Variants in HS6ST1 observed in about 807,000 individuals in gnomAD.
HS6ST1 encodes the protein heparan sulfate 6-O-sulfotransferase 1.
A neutral mutation model predicts 25.2 loss-of-function variants in HS6ST1; 3 were observed. The observed-to-expected ratio is 0.12, with a 90% CI of 0.05 to 0.31. The LOEUF is 0.31. HS6ST1 is among the 10% of genes least tolerant of loss of function. The pLI is 1.00. For synonymous variants in HS6ST1, 204 were observed against 275.1 expected (o/e 0.74, Z 2.56); for missense variants, 310 against 609.6 (o/e 0.51, Z 5.18).
intron 1 of HS6ST1, among the ~76,000 whole-genome samples, chr2:128,284,504 C>CTTTTTTTTTTTTT (rs71396519): frequency 2.1e-5 from 2 of 94,888 alleles, no homozygotes; most frequent in Non-Finnish European, 2.1e-5. Flanking sequence ...CATCGTCCCT[C>CTTTTTTTTTTTTT]TTTTTTTTTT....
chr2:128,273,112 G>A (rs551026047), intron 1 of HS6ST1, among the ~76,000 whole-genome samples: 40 of 152,312 alleles, frequency 2.6e-4, no homozygotes, highest in Admixed American at 8.5e-4. Context: ...CCAGGGAGGC[G>A]GGTGTGTTCA....
chr2:128,297,864 T>C (rs1694063369), intron 1 of HS6ST1, among the ~76,000 whole-genome samples: 1 of 152,028 alleles, frequency 6.6e-6, no homozygotes, highest in Non-Finnish European at 1.5e-5. Flanking sequence ...AAATTGAAAA[T>C]ATTTGTGCAT....
intron 1 of HS6ST1, among the ~76,000 whole-genome samples, chr2:128,316,629 C>T (rs910831117): frequency 2.6e-5 from 4 of 152,102 alleles, no homozygotes; most frequent in Admixed American, 1.3e-4. Context: ...GCTCTGTGAC[C>T]GCCAAGTGTA....
chr2:128,294,603 G>A (rs1006086154), intron 1 of HS6ST1, among the ~76,000 whole-genome samples: 9 of 152,126 alleles, frequency 5.9e-5, no homozygotes, highest in African/African-American at 2.2e-4. Flanking sequence ...GTGCTCTGGG[G>A]CCTGGAGAGC....
At chr2:128,290,929 C>T (rs550666731) in intron 1 of HS6ST1, among the ~76,000 whole-genome samples, 104 of 151,108 alleles carry the variant, frequency 6.9e-4, no homozygotes, top group African/African-American at 2.4e-3. Context: ...TTGCAGTGAG[C>T]GGAGATCGTG....
intron 1 of HS6ST1, among the ~76,000 whole-genome samples, chr2:128,303,617 C>A (rs1019324130): frequency 3.9e-5 from 6 of 152,182 alleles, no homozygotes; most frequent in African/African-American, 1.4e-4. Context: ...TGGGCACTTG[C>A]CACCTGTTGG....
Position 128,318,028 on chromosome 2 carries a change from G to A in HS6ST1, c.527+9C>T, listed in dbSNP as rs534608659. ...AGCTGCGCGAGGATCCCGCCGCCCG[G>A]GCGCTCACCTGGGCGTGCGCAGCGC... On this transcript the variant is annotated intron_variant, in intron 1 of 1. Coordinates refer to ENST00000259241, the MANE Select transcript of HS6ST1 (RefSeq NM_004807.3). This position sits in a 1 kb window ranked among gnomAD's most constrained non-coding sequence, Gnocchi z 5.7. 127 of 1,481,610 alleles carry A rather than the reference G, an allele frequency of 8.6e-5. 2 individuals carry two copies. The South Asian group carries it at 1.5e-3, about 18-fold the overall frequency. 91.8% of individuals were successfully genotyped at this position (1,481,610 alleles called of 1,614,324 possible). A position where few individuals can be genotyped will look rare whatever the true frequency, so the allele number is the denominator to read the frequency against.
intron 1 of HS6ST1, among the ~76,000 whole-genome samples, chr2:128,280,336 T>C (rs1348705348): frequency 6.6e-6 from 1 of 152,248 alleles, no homozygotes; most frequent in Non-Finnish European, 1.5e-5. Context: ...AAGGCCGGGC[T>C]GGCTGTCCAT....
At chr2:128,303,897 T>C (rs1694169474) in intron 1 of HS6ST1, among the ~76,000 whole-genome samples, 1 of 152,232 alleles carries the variant, frequency 6.6e-6, no homozygotes, top group African/African-American at 2.4e-5. Flanking sequence ...GAAGACTGAC[T>C]TCTCCAGCGT....
chr2:128,279,495 A>G (rs1693747099), intron 1 of HS6ST1, among the ~76,000 whole-genome samples: 1 of 152,134 alleles, frequency 6.6e-6, no homozygotes, highest in Non-Finnish European at 1.5e-5. Context: ...AAGGACAAGG[A>G]CATGGCGTGG....
At chr2:128,283,944 G>A (rs946759660) in intron 1 of HS6ST1, among the ~76,000 whole-genome samples, 6 of 152,220 alleles carry the variant, frequency 3.9e-5, no homozygotes, top group African/African-American at 1.4e-4. Context: ...CCCCACAACT[G>A]TAAATCCCAC....
intron 1 of HS6ST1, among the ~76,000 whole-genome samples, chr2:128,315,898 G>C (rs992202011): frequency 6.6e-6 from 1 of 152,234 alleles, no homozygotes; most frequent in African/African-American, 2.4e-5. Context: ...GGACTCGGAG[G>C]GTGGGGTGCT....
At chr2:128,283,751 G>A (rs528119193) in intron 1 of HS6ST1, among the ~76,000 whole-genome samples, 1 of 152,310 alleles carries the variant, frequency 6.6e-6, no homozygotes, top group African/African-American at 2.4e-5. Context: ...TGTGGGTGAG[G>A]TGCCTGCTGG....
intron 1 of HS6ST1, among the ~76,000 whole-genome samples, chr2:128,303,112 G>A (rs528100200): frequency 1.3e-5 from 2 of 152,242 alleles, no homozygotes; most frequent in South Asian, 4.1e-4. Context: ...GGCTTTTCTG[G>A]GGCCTGGGCC....
At chr2:128,280,175 C>G (rs1356462127) in intron 1 of HS6ST1, among the ~76,000 whole-genome samples, 1 of 152,234 alleles carries the variant, frequency 6.6e-6, no homozygotes, top group African/African-American at 2.4e-5. Flanking sequence ...AGTCCGGCTT[C>G]TGCCCAGTTT....
At chr2:128,302,471 A>G (rs919538571) in intron 1 of HS6ST1, among the ~76,000 whole-genome samples, 4 of 152,014 alleles carry the variant, frequency 2.6e-5, no homozygotes, top group African/African-American at 9.7e-5. Context: ...CCCTGTGACC[A>G]TCTGCAGCTC....
At chr2:128,280,923 C>T (rs746169517) in intron 1 of HS6ST1, among the ~76,000 whole-genome samples, 3 of 152,244 alleles carry the variant, frequency 2.0e-5, no homozygotes, top group Non-Finnish European at 4.4e-5. Context: ...GCAGGACACC[C>T]GGATGGACAG....
At chr2:128,280,535 C>T (rs540556378) in intron 1 of HS6ST1, among the ~76,000 whole-genome samples, 1 of 152,220 alleles carries the variant, frequency 6.6e-6, no homozygotes, top group Non-Finnish European at 1.5e-5. Flanking sequence ...CCTGGCTTGG[C>T]CCAAGGGCAG....
At chr2:128,282,171 A>G (rs1693798849) in intron 1 of HS6ST1, among the ~76,000 whole-genome samples, 1 of 152,252 alleles carries the variant, frequency 6.6e-6, no homozygotes, top group African/African-American at 2.4e-5. Context: ...ACTAGGAACA[A>G]AAATCACAGC....
Sources: gnomAD v4.1 joint callset for allele counts (sites outside exome capture counted in the v4.1 genomes callset) on GRCh38, gnomAD v4.1.1 for gene constraint, Gnocchi (gnomAD v3.1) non-coding constraint, MANE v1.5 for transcripts, NCBI Gene and HGNC (gene_info 2026-07-23, HGNC 2026-07-21) for gene names.